Variants in PRKCB observed in about 807,000 individuals in gnomAD.
The protein encoded by PRKCB is protein kinase C beta.
In PRKCB, 13 loss-of-function variants were observed where a neutral mutation model predicts 81.5. That is an observed-to-expected ratio of 0.16 (90% CI 0.10 to 0.25). PRKCB has a LOEUF of 0.25. Ranked by LOEUF, PRKCB falls within the 10% of genes least tolerant of loss-of-function variation. The pLI is 1.00. For synonymous variants in PRKCB, 335 were observed against 321.4 expected (o/e 1.04, Z -0.45); for missense variants, 509 against 875.7 (o/e 0.58, Z 5.29).
chr16:24,128,972 G>A (rs117222040), intron 9 of PRKCB, among the ~76,000 whole-genome samples: 445 of 152,154 alleles, frequency 2.9e-3, no homozygotes, highest in Non-Finnish European at 4.3e-3. Flanking sequence ...TGTACCGTCC[G>A]GATTGATGAT....
chr16:24,047,862 G>A (rs770607306), intron 5 of PRKCB, among the ~76,000 whole-genome samples: 2 of 152,206 alleles, frequency 1.3e-5, no homozygotes, highest in Non-Finnish European at 2.9e-5. Flanking sequence ...GCACTGTGGG[G>A]TCAGAATCTT....
intron 2 of PRKCB, among the ~76,000 whole-genome samples, chr16:23,958,556 G>A (rs917140632): frequency 3.3e-5 from 5 of 151,866 alleles, no homozygotes; most frequent in Non-Finnish European, 2.9e-5. Flanking sequence ...ACCCACCTCG[G>A]CCTCCCAATG....
chr16:23,991,603 T>C (rs2141824068), intron 3 of PRKCB, among the ~76,000 whole-genome samples: 1 of 152,276 alleles, frequency 6.6e-6, no homozygotes, highest in South Asian at 2.1e-4. Flanking sequence ...AAGGAAAATT[T>C]TGGGTCCTTG....
intron 5 of PRKCB, among the ~76,000 whole-genome samples, chr16:24,081,315 G>A (rs117471060): frequency 4.5e-3 from 676 of 149,856 alleles, no homozygotes; most frequent in Admixed American, 7.4e-3. Flanking sequence ...TCTAAAGAAA[G>A]AAAAAAAATT....
Position 24,217,463 on chromosome 16 carries a change from A to C in PRKCB, c.*2647A>C, listed in dbSNP as rs1787740577. On this transcript the variant is annotated 3_prime_UTR_variant, in exon 17 of 17. Coordinates refer to ENST00000643927, the MANE Select transcript of PRKCB (RefSeq NM_002738.7). ...TAGAATTAATAACCCTCCTTGGATG[A>C]GTGCTACTGTTTTCACATGGCTTCA... 3.0e-6 allele frequency: 3 copies of C among 985,322 alleles called. No homozygotes were observed. Among genetic ancestry groups the C allele is most frequent in the Admixed American group, 6.1e-5 (1 of 16,270 alleles). The allele number at this position is 985,322 out of a possible 1,614,324, so 61.0% of individuals were successfully genotyped here.
intron 10 of PRKCB, among the ~76,000 whole-genome samples, chr16:24,166,570 A>G (rs534174904): frequency 1.3e-5 from 2 of 152,306 alleles, no homozygotes; most frequent in Admixed American, 1.3e-4. Context: ...TAAAGGTGAA[A>G]CCATCATACA....
chr16:23,916,515 A>G (rs947291378), intron 2 of PRKCB, among the ~76,000 whole-genome samples: 2 of 152,182 alleles, frequency 1.3e-5, no homozygotes, highest in East Asian at 1.9e-4. Context: ...TTTTATTGAA[A>G]GATTTCTCTC....
intron 7 of PRKCB, among the ~76,000 whole-genome samples, chr16:24,101,117 G>A (rs191607595): frequency 6.6e-6 from 1 of 152,292 alleles, no homozygotes; most frequent in African/African-American, 2.4e-5. Context: ...CCTGAATCTT[G>A]TGACCTCTGG....
intron 11 of PRKCB, among the ~76,000 whole-genome samples, chr16:24,172,858 C>A (rs1333994056): frequency 6.6e-6 from 1 of 152,128 alleles, no homozygotes; most frequent in Non-Finnish European, 1.5e-5. Flanking sequence ...TTTTATGTGT[C>A]CATTTGCTAA....
chr16:24,004,652 C>T (rs1965092553), intron 3 of PRKCB, among the ~76,000 whole-genome samples: 1 of 152,008 alleles, frequency 6.6e-6, no homozygotes, highest in Non-Finnish European at 1.5e-5. Flanking sequence ...GAGATTCTGT[C>T]TCAAATAAAC....
intron 5 of PRKCB, among the ~76,000 whole-genome samples, chr16:24,079,581 G>GA (rs1408535658): frequency 3.9e-5 from 6 of 151,980 alleles, no homozygotes; most frequent in Non-Finnish European, 7.4e-5. Flanking sequence ...ATTAAAAATG[G>GA]AAAAAAATTG....
At chr16:23,960,245 ACT>A (rs1447273821) in intron 2 of PRKCB, among the ~76,000 whole-genome samples, 20 of 152,146 alleles carry the variant, frequency 1.3e-4, no homozygotes, top group Non-Finnish European at 2.4e-4. Context: ...TCACAAAAAT[ACT>A]TTATTATACC....
At chr16:24,078,974 C>T (rs1281664324) in intron 5 of PRKCB, among the ~76,000 whole-genome samples, 1 of 152,124 alleles carries the variant, frequency 6.6e-6, no homozygotes. Flanking sequence ...TGGTGTCAGG[C>T]CTCTGAGCCC....
intron 3 of PRKCB, among the ~76,000 whole-genome samples, chr16:23,994,819 C>T (rs922187177): frequency 6.6e-6 from 1 of 152,172 alleles, no homozygotes; most frequent in African/African-American, 2.4e-5. Context: ...GCTGGTAAGG[C>T]TAGCAATACA....
At chr16:24,000,482 G>C (rs906691020) in intron 3 of PRKCB, among the ~76,000 whole-genome samples, 1 of 152,094 alleles carries the variant, frequency 6.6e-6, no homozygotes, top group African/African-American at 2.4e-5. Context: ...GAAAACTTGG[G>C]CATGTCGTTC....
intron 3 of PRKCB, among the ~76,000 whole-genome samples, chr16:24,020,697 G>A (rs1965345974): frequency 6.6e-6 from 1 of 152,102 alleles, no homozygotes; most frequent in African/African-American, 2.4e-5. Flanking sequence ...CTGTTCTGAG[G>A]GTATTTCCAA....
At chr16:24,108,115 T>C (rs1596550815) in intron 7 of PRKCB, among the ~76,000 whole-genome samples, 1 of 152,002 alleles carries the variant, frequency 6.6e-6, no homozygotes, top group East Asian at 1.9e-4. Context: ...CAACACCATC[T>C]ACTTGCACGT....
At position 24,151,260 on chromosome 16, in the gene PRKCB, C is replaced by T. The variant is rs535099350; in HGVS notation, c.1066-3424C>T. Among the ~76,000 whole-genome samples, 23 of 152,270 alleles carry T rather than the reference C, an allele frequency of 1.5e-4. No individual in the cohort carries two copies. In the South Asian group the frequency reaches 4.6e-3, roughly 30 times the overall value. ...GAAGATGCAGAGCCTGACTCAGAAC[C>T]TTCAGCAGCCAGCAGTATATAGCTA... On this transcript the variant is annotated intron_variant, in intron 9 of 16. Coordinates refer to ENST00000643927, the MANE Select transcript of PRKCB (RefSeq NM_002738.7).
At chr16:24,110,504 C>A (rs1461994973) in intron 7 of PRKCB, among the ~76,000 whole-genome samples, 4 of 145,492 alleles carry the variant, frequency 2.7e-5, no homozygotes, top group Non-Finnish European at 5.9e-5. Context: ...AGCCACCATG[C>A]CCAACCTTTT....
Sources: allele counts gnomAD v4.1 joint callset (sites outside exome capture counted in the v4.1 genomes callset), GRCh38; gene constraint gnomAD v4.1.1; transcripts MANE v1.5; gene names NCBI Gene and HGNC (gene_info 2026-07-23, HGNC 2026-07-21).